The following RAF1 variants were observed in gnomAD, a reference collection of about 807,000 sequenced individuals.
RAF1 encodes the protein Raf-1 proto-oncogene, serine/threonine kinase.
Under a neutral mutation model 81.1 loss-of-function variants are expected in RAF1, and 27 were observed. That is an observed-to-expected ratio of 0.33 (90% CI 0.25 to 0.46). The LOEUF is 0.46. Among genes scored for constraint, RAF1 ranks in the 20% least tolerant of loss-of-function variants. The pLI is 1.00. For synonymous variants in RAF1, 298 were observed against 294.0 expected, an observed-to-expected ratio of 1.01 and a Z score of -0.14; for missense variants, 598 against 826.0, an observed-to-expected ratio of 0.72 and a Z score of 3.38.
At chr3:12,628,761 G>GA (rs907651835) in intron 1 of RAF1, among the ~76,000 whole-genome samples, 15 of 137,636 alleles carry the variant, frequency 1.1e-4, no homozygotes, top group East Asian at 4.9e-4. Context: ...TGGGGGGGGG[G>GA]GGTGGCGGGG....
chr3:12,584,604 G>A lies in RAF1; in HGVS notation c.1917C>T (p.Ser639=), dbSNP rs754017289. Residue 639 remains serine (S), a synonymous_variant, in exon 18 of 18, where the codon AGC becomes AGT. Coordinates refer to ENST00000442415, the MANE Select transcript of RAF1 (RefSeq NM_001354689.3). The stretch of plus-strand genomic sequence containing the variant: ...CCCGATGCAAGGATGGCTCGGAAGC[G>A]CTCCGGTTGATCTTCGGTAGAGAGT... 9.9e-6 allele frequency: 16 copies of A among 1,614,068 alleles called. No homozygotes were observed. The highest frequency in any genetic ancestry group is 5.3e-5 in the African/African-American group (4 of 75,034).
chr3:12,600,630 A>G (rs2058832492), intron 8 of RAF1, among the ~76,000 whole-genome samples: 1 of 152,252 alleles, frequency 6.6e-6, no homozygotes, highest in African/African-American at 2.4e-5. Flanking sequence ...ATTAAATATT[A>G]GAAGGATTTA....
intron 8 of RAF1, 74 bp from the exon 8 acceptor site, chr3:12,600,489 G>A: frequency 6.6e-7 from 1 of 1,524,366 alleles, no homozygotes; most frequent in Non-Finnish European, 9.1e-7. Flanking sequence ...AAAAGAGGAG[G>A]AGGATGTGCA....
In RAF1 at chr3:12,609,349, A is replaced by T. The variant is rs3730270; in HGVS notation, c.321-14T>A. The T allele has an allele frequency of 5.9e-4, 910 of 1,541,572 alleles. 10 individuals are homozygous for T. In the East Asian group the frequency reaches 0.017, roughly 28 times the overall value. On this transcript the variant is annotated splice_polypyrimidine_tract_variant and intron_variant, in intron 3 of 17. Coordinates refer to ENST00000442415, the MANE Select transcript of RAF1 (RefSeq NM_001354689.3). ...CGTGCTTTTTTACTAGAAAGGATTT[A>T]AAAAAAACATGAAATGTTTAAACAA...
chr3:12,632,482 A>G (rs2059895147), intron 1 of RAF1, among the ~76,000 whole-genome samples: 1 of 152,170 alleles, frequency 6.6e-6, no homozygotes, highest in South Asian at 2.1e-4. Context: ...CATCTTTCTT[A>G]AGTGACAAAG....
intron 1 of RAF1, among the ~76,000 whole-genome samples, chr3:12,650,145 C>CA (rs36098034): frequency 0.25 from 18,909 of 76,086 alleles, 3,782 homozygotes; most frequent in East Asian, 0.75. Flanking sequence ...GACTCCATCT[C>CA]AAAAAAAAAA....
chr3:12,594,714 C>CA lies in RAF1; in HGVS notation c.1169-2923dup, dbSNP rs552939783. Among the ~76,000 whole-genome samples the CA allele has an allele frequency of 9.2e-5, 14 of 152,142 alleles. No homozygotes were observed. The South Asian group carries it at 2.9e-3, about 32-fold the overall frequency. On this transcript the variant is annotated intron_variant, in intron 11 of 17. Transcript: ENST00000442415. Reference sequence around the variant, plus strand: ...TTAAAAGGTGATCTTTTCTTTTTTCCATCATCCTAGCCAGTTGAACTCTTC... The same window carrying CA: ...TTAAAAGGTGATCTTTTCTTTTTTCCAATCATCCTAGCCAGTTGAACTCTTC...
At chr3:12,632,861 G>C (rs1032942445) in intron 1 of RAF1, among the ~76,000 whole-genome samples, 6 of 152,116 alleles carry the variant, frequency 3.9e-5, no homozygotes, top group African/African-American at 1.4e-4. Flanking sequence ...AAAAAAAGTA[G>C]TCCCAGGCTT....
intron 13 of RAF1, chr3:12,588,844 C>G (rs1321741677): frequency 6.6e-6 from 1 of 152,134 alleles, no homozygotes; most frequent in Non-Finnish European, 1.5e-5. Context: ...GAGGTGGGAC[C>G]TAAGTGGCAG....
intron 1 of RAF1, among the ~76,000 whole-genome samples, chr3:12,646,619 C>T (rs1223427674): frequency 1.3e-5 from 2 of 151,014 alleles, no homozygotes; most frequent in Admixed American, 6.6e-5. Flanking sequence ...GGCACAATAT[C>T]GGCTCATTGC....
chr3:12,593,233 C>T (rs1397780841), intron 11 of RAF1, among the ~76,000 whole-genome samples: 1 of 151,994 alleles, frequency 6.6e-6, no homozygotes, highest in African/African-American at 2.4e-5. Flanking sequence ...GCATGCTCCA[C>T]CATGCCCAAC....
intron 1 of RAF1, among the ~76,000 whole-genome samples, chr3:12,641,642 C>A (rs2060190994): frequency 6.6e-6 from 1 of 151,812 alleles, no homozygotes; most frequent in Non-Finnish European, 1.5e-5. Context: ...CAGGCATGTG[C>A]CACCATATCC....
chr3:12,585,366 T>G, intron 15 of RAF1, 113 bp from the exon 15 acceptor site: 1 of 1,560,344 alleles, frequency 6.4e-7, no homozygotes, highest in Non-Finnish European at 8.6e-7. Context: ...CATTCTTCAG[T>G]CCCCACATAG....
rs771581848 is a variant in RAF1, at chr3:12,584,827, C to G, written c.1863+20G>C. 16 of 1,613,994 alleles carry G rather than the reference C, an allele frequency of 9.9e-6. No individual in the cohort carries two copies. The highest frequency in any genetic ancestry group is 1.4e-5 in the Non-Finnish European group (16 of 1,179,914). On this transcript the variant is annotated intron_variant, in intron 17 of 17. Coordinates refer to ENST00000442415, the MANE Select transcript of RAF1 (RefSeq NM_001354689.3). ...AACCAACCCATGCTTTAATCACATTCTAGCAGCCCTGAGCCTTACCTGGGG... is the reference window on the plus strand; with the variant it reads ...AACCAACCCATGCTTTAATCACATTGTAGCAGCCCTGAGCCTTACCTGGGG...
At chr3:12,602,942 A>G (rs1362749424) in intron 8 of RAF1, among the ~76,000 whole-genome samples, 1 of 152,232 alleles carries the variant, frequency 6.6e-6, no homozygotes, top group African/African-American at 2.4e-5. Context: ...TTTGGTTACT[A>G]ATGTATAAAC....
intron 11 of RAF1, among the ~76,000 whole-genome samples, chr3:12,594,625 T>C (rs1245656291): frequency 2.6e-5 from 4 of 152,224 alleles, no homozygotes; most frequent in Non-Finnish European, 4.4e-5. Flanking sequence ...ACACACGTTA[T>C]CATTAAGCCA....
At chr3:12,628,135 TA>T (rs2059759202) in intron 1 of RAF1, among the ~76,000 whole-genome samples, 1 of 152,354 alleles carries the variant, frequency 6.6e-6, no homozygotes, top group African/African-American at 2.4e-5. Flanking sequence ...TGTTAGAGTG[TA>T]AAACTATTTC....
At position 12,659,427 on chromosome 3, in the gene RAF1, CAA is replaced by C. The variant is rs71063859; in HGVS notation, c.-27+4384_-27+4385del. Among the ~76,000 whole-genome samples, 23 of 47,678 alleles carry C rather than the reference CAA, an allele frequency of 4.8e-4. 2 individuals are homozygous for C. The highest frequency in any genetic ancestry group is 1.4e-3 in the African/African-American group (16 of 11,166). The allele number at this position is 47,678 out of a possible 152,430, so 31.3% of individuals were successfully genotyped here. ...TGGGCAACAGCACCAGATTTCATCT[CAA>C]AAAAAAAAAAAAAAAATTACACGCA... is the stretch of plus-strand genomic sequence containing the variant. On this transcript the variant is annotated intron_variant, in intron 1 of 17. Coordinates refer to ENST00000442415, the MANE Select transcript of RAF1 (RefSeq NM_001354689.3).
At chr3:12,643,709 C>A (rs537927678) in intron 1 of RAF1, among the ~76,000 whole-genome samples, 1 of 151,446 alleles carries the variant, frequency 6.6e-6, no homozygotes, top group South Asian at 2.1e-4. Flanking sequence ...GCACTCCAGC[C>A]TGGGCAACAA....
Sources: gnomAD v4.1 joint callset for allele counts (sites outside exome capture counted in the v4.1 genomes callset) on GRCh38, gnomAD v4.1.1 for gene constraint, MANE v1.5 for transcripts, NCBI Gene and HGNC (gene_info 2026-07-23, HGNC 2026-07-21) for gene names.